Variants in C8orf34 observed in about 807,000 individuals in gnomAD.
The protein encoded by C8orf34 is uncharacterized protein C8orf34.
A neutral mutation model predicts 68.3 loss-of-function variants in C8orf34; 65 were observed. The observed-to-expected ratio is 0.95, with a 90% CI of 0.78 to 1.17. C8orf34 has a LOEUF of 1.17. Among genes scored for constraint, C8orf34 ranks in the 50% most tolerant of loss-of-function variants. The pLI is 0.00. For synonymous variants in C8orf34, 244 were observed against 241.2 expected, an observed-to-expected ratio of 1.01 and a Z score of -0.11; for missense variants, 664 against 655.4, an observed-to-expected ratio of 1.01 and a Z score of -0.14.
intron 7 of C8orf34, among the ~76,000 whole-genome samples, chr8:68,561,511 C>A (rs1816426249): frequency 6.6e-6 from 1 of 152,192 alleles, no homozygotes; most frequent in Non-Finnish European, 1.5e-5. Flanking sequence ...AATCCCAGCA[C>A]TTTGGGAGGC....
At chr8:68,801,895 T>TAA (rs76145523) in intron 12 of C8orf34, among the ~76,000 whole-genome samples, 201 of 145,564 alleles carry the variant, frequency 1.4e-3, no homozygotes, top group African/African-American at 4.3e-3. Context: ...ATGCAGTAAT[T>TAA]AAAAAAAAAA....
chr8:68,675,039 A>T (rs573093568), intron 8 of C8orf34, among the ~76,000 whole-genome samples: 1 of 152,234 alleles, frequency 6.6e-6, no homozygotes, highest in Admixed American at 6.5e-5. Context: ...TTACCCTAGA[A>T]TAATATATCT....
intron 11 of C8orf34, among the ~76,000 whole-genome samples, chr8:68,778,587 T>C (rs952564626): frequency 2.0e-5 from 3 of 152,138 alleles, no homozygotes; most frequent in Admixed American, 2.0e-4. Flanking sequence ...CAATGTATTA[T>C]TTGACTAAGA....
chr8:68,622,677 G>A (rs996880541), intron 7 of C8orf34, among the ~76,000 whole-genome samples: 13 of 152,256 alleles, frequency 8.5e-5, no homozygotes, highest in Middle Eastern at 3.4e-3. Context: ...TAGTGGCTGC[G>A]TAAACAGAGT....
chr8:68,395,357 TCTCTCACACA>T (rs56117153), intron 1 of C8orf34, among the ~76,000 whole-genome samples: 7,098 of 137,860 alleles, frequency 0.051, 195 homozygotes, highest in Middle Eastern at 0.089. Context: ...TCTCTGTGTG[TCTCTCACACA>T]CACACACACA....
chr8:68,388,395 C>A (rs977848077), intron 1 of C8orf34, among the ~76,000 whole-genome samples: 1 of 152,082 alleles, frequency 6.6e-6, no homozygotes, highest in South Asian at 2.1e-4. Context: ...CTGAGAATCA[C>A]CCCTTTTCTG....
intron 1 of C8orf34, among the ~76,000 whole-genome samples, chr8:68,433,135 G>A (rs1353153319): frequency 6.6e-6 from 1 of 152,126 alleles, no homozygotes; most frequent in Non-Finnish European, 1.5e-5. Flanking sequence ...GTTGGGTAGT[G>A]GTGGTGGGGG....
intron 1 of C8orf34, among the ~76,000 whole-genome samples, chr8:68,426,537 A>AG (rs1326455489): frequency 3.3e-5 from 5 of 150,500 alleles, no homozygotes; most frequent in Admixed American, 2.6e-4. Flanking sequence ...AAAAAAAAAA[A>AG]AAAAGAAAAC....
At chr8:68,680,707 A>G (rs371168992) in intron 8 of C8orf34, among the ~76,000 whole-genome samples, 27 of 152,334 alleles carry the variant, frequency 1.8e-4, no homozygotes, top group Middle Eastern at 6.8e-3. Flanking sequence ...GGGCAAAAGC[A>G]GAACTACTGA....
intron 8 of C8orf34, among the ~76,000 whole-genome samples, chr8:68,668,354 G>A (rs977161908): frequency 3.3e-5 from 5 of 152,002 alleles, no homozygotes; most frequent in Non-Finnish European, 7.4e-5. Context: ...ATATTTGAAG[G>A]GCAATTCCAT....
In C8orf34 at chr8:68,810,624, A is replaced by G. The variant is rs537266294; in HGVS notation, c.1550-5262A>G. ...GGTTGCAAGTTCTTGTCCTCCATCC[A>G]GGAAAAATGAGGTACGCATACAACT... On this transcript the variant is annotated intron_variant, in intron 12 of 13. Coordinates refer to ENST00000518698, the MANE Select transcript of C8orf34 (RefSeq NM_052958.4). Among the ~76,000 whole-genome samples the G allele has an allele frequency of 3.1e-4, 47 of 152,274 alleles. 1 individual carries two copies. In the South Asian group the frequency reaches 5.2e-3, roughly 17 times the overall value.
intron 10 of C8orf34, among the ~76,000 whole-genome samples, chr8:68,761,055 G>A (rs1192088641): frequency 6.6e-6 from 1 of 152,194 alleles, no homozygotes; most frequent in Non-Finnish European, 1.5e-5. Context: ...GCCGGTACTG[G>A]ATAAAGGCCA....
In C8orf34 at chr8:68,533,558, G is replaced by T. The variant is rs1233499912; in HGVS notation, c.1105+409G>T. The T allele has an allele frequency of 3.0e-6, 3 of 985,992 alleles. No individual in the cohort carries two copies. The African/African-American group carries it at 5.2e-5, about 17-fold the overall frequency. 61.1% of individuals were successfully genotyped at this position (985,992 alleles called of 1,614,324 possible). ...CAAAATGTCTACCTTTTATTTTGAG[G>T]ATGCTTTAGAAAAATAGAATAAAGT... On this transcript the variant is annotated intron_variant, in intron 7 of 13. Coordinates refer to ENST00000518698, the MANE Select transcript of C8orf34 (RefSeq NM_052958.4).
intron 10 of C8orf34, among the ~76,000 whole-genome samples, chr8:68,751,980 G>C (rs902059016): frequency 6.6e-6 from 1 of 151,970 alleles, no homozygotes; most frequent in Admixed American, 6.6e-5. Context: ...TAAGATGAAA[G>C]CATTAAGATT....
intron 8 of C8orf34, among the ~76,000 whole-genome samples, chr8:68,646,810 CT>C (rs779375151): frequency 6.6e-6 from 1 of 152,100 alleles, no homozygotes; most frequent in Non-Finnish European, 1.5e-5. Context: ...TTTTTAAAGG[CT>C]AAATAGTATT....
intron 8 of C8orf34, among the ~76,000 whole-genome samples, chr8:68,685,710 AC>A (rs976847118): frequency 1.3e-5 from 2 of 151,154 alleles, no homozygotes; most frequent in African/African-American, 4.9e-5. Context: ...ACAAAAAGAA[AC>A]CCCCAAAAGC....
intron 10 of C8orf34, among the ~76,000 whole-genome samples, chr8:68,730,882 A>G (rs16934968): frequency 0.01 from 1,572 of 152,266 alleles, 30 homozygotes; most frequent in African/African-American, 0.036. Flanking sequence ...TCTGTTCTGA[A>G]CGTGATGAGC....
intron 1 of C8orf34, among the ~76,000 whole-genome samples, chr8:68,413,380 A>G (rs1036754869): frequency 2.0e-5 from 3 of 152,232 alleles, no homozygotes; most frequent in African/African-American, 7.2e-5. Flanking sequence ...TGCAGCACAG[A>G]GTGCTTGAGT....
intron 8 of C8orf34, among the ~76,000 whole-genome samples, chr8:68,701,483 A>G (rs1161534891): frequency 6.6e-6 from 1 of 152,032 alleles, no homozygotes; most frequent in Non-Finnish European, 1.5e-5. Context: ...CAACAGGATT[A>G]GTTCTGTTGC....
Sources: allele counts gnomAD v4.1 joint callset (sites outside exome capture counted in the v4.1 genomes callset), GRCh38; gene constraint gnomAD v4.1.1; transcripts MANE v1.5; gene names NCBI Gene and HGNC (gene_info 2026-07-23, HGNC 2026-07-21).